Variants in LEKR1 observed in about 807,000 individuals in gnomAD.
The protein encoded by LEKR1 is protein LEKR1.
A neutral mutation model predicts 72.4 loss-of-function variants in LEKR1; 59 were observed. That is an observed-to-expected ratio of 0.82 (90% CI 0.66 to 1.01). The LOEUF is 1.01. LEKR1 is among the 50% of genes least tolerant of loss of function. The pLI, the probability that LEKR1 is intolerant of heterozygous loss-of-function variation, is 0.00. For synonymous variants in LEKR1, 257 were observed against 263.2 expected, an observed-to-expected ratio of 0.98 and a Z score of 0.23; for missense variants, 728 against 759.2, an observed-to-expected ratio of 0.96 and a Z score of 0.48.
intron 9 of LEKR1, among the ~76,000 whole-genome samples, chr3:156,996,328 G>A (rs1731564098): frequency 1.3e-5 from 2 of 152,002 alleles, no homozygotes; most frequent in South Asian, 4.1e-4. Flanking sequence ...AAGTTACCAG[G>A]CCAAGAGCCA....
At chr3:156,987,006 G>A (rs1031543379) in intron 7 of LEKR1, among the ~76,000 whole-genome samples, 2 of 150,866 alleles carry the variant, frequency 1.3e-5, no homozygotes, top group East Asian at 3.9e-4. Flanking sequence ...CTTTCAAAGT[G>A]GGGGGAAATA....
At chr3:157,001,814 G>A (rs1015664756) in intron 9 of LEKR1, among the ~76,000 whole-genome samples, 1 of 152,250 alleles carries the variant, frequency 6.6e-6, no homozygotes, top group Non-Finnish European at 1.5e-5. Flanking sequence ...CTTCTAAAAC[G>A]GAGGGAGTTG....
chr3:156,953,642 G>A (rs1479958278), intron 6 of LEKR1, among the ~76,000 whole-genome samples: 1 of 151,882 alleles, frequency 6.6e-6, no homozygotes, highest in Non-Finnish European at 1.5e-5. Context: ...TCCTGTGTTA[G>A]TTTGCTAAGG....
chr3:156,998,593 G>A (rs989311405), intron 9 of LEKR1, among the ~76,000 whole-genome samples: 8 of 152,130 alleles, frequency 5.3e-5, no homozygotes, highest in South Asian at 2.1e-4. Flanking sequence ...AAGCTTAATC[G>A]TAATTAAAGT....
chr3:156,914,274 AT>A lies in LEKR1; in HGVS notation c.264-6300del, dbSNP rs1455080436. Among the ~76,000 whole-genome samples the A allele has an allele frequency of 3.1e-3, 467 of 152,254 alleles. 1 individual carries two copies. The highest frequency in any genetic ancestry group is 0.011 in the African/African-American group (442 of 41,540). On this transcript the variant is annotated intron_variant, in intron 3 of 12. Coordinates refer to ENST00000356539, the MANE Select transcript of LEKR1 (RefSeq NM_001004316.3). ...GGTTTGCTGCACCCATCAACCCATT[AT>A]CTACGTTAGGTATTTCTCCTAATGC...
chr3:156,873,177 T>A (rs74482393), intron 3 of LEKR1, among the ~76,000 whole-genome samples: 1,767 of 152,170 alleles, frequency 0.012, 16 homozygotes, highest in Middle Eastern at 0.041. Flanking sequence ...ATGACCTTTT[T>A]TGTGTCTTTT....
At chr3:156,898,986 C>G (rs1721493389) in intron 3 of LEKR1, among the ~76,000 whole-genome samples, 1 of 152,022 alleles carries the variant, frequency 6.6e-6, no homozygotes, top group Non-Finnish European at 1.5e-5. Flanking sequence ...TCTCTTGTTG[C>G]TCCTGTTGCT....
chr3:156,973,394 C>T (rs1262283897), intron 6 of LEKR1, among the ~76,000 whole-genome samples: 1 of 151,902 alleles, frequency 6.6e-6, no homozygotes, highest in African/African-American at 2.4e-5. Flanking sequence ...AGATGCTATT[C>T]GAAGCCATGA....
intron 7 of LEKR1, among the ~76,000 whole-genome samples, chr3:156,986,824 A>C (rs1364961336): frequency 6.6e-6 from 1 of 152,212 alleles, no homozygotes; most frequent in African/African-American, 2.4e-5. Context: ...TGTTTCATTT[A>C]CTGAAGTGGG....
intron 3 of LEKR1, among the ~76,000 whole-genome samples, chr3:156,908,361 A>G (rs534690301): frequency 2.6e-5 from 4 of 152,146 alleles, no homozygotes; most frequent in African/African-American, 9.6e-5. Flanking sequence ...TGATTTTCTC[A>G]TTCACTCGTT....
intron 3 of LEKR1, among the ~76,000 whole-genome samples, chr3:156,873,167 A>G (rs1718157397): frequency 6.6e-6 from 1 of 152,020 alleles, no homozygotes; most frequent in Non-Finnish European, 1.5e-5. Context: ...TCATTATATA[A>G]TGACCTTTTT....
chr3:156,834,607 A>T (rs1269463367), intron 2 of LEKR1, among the ~76,000 whole-genome samples: 1 of 152,200 alleles, frequency 6.6e-6, no homozygotes, highest in Non-Finnish European at 1.5e-5. Flanking sequence ...TTAACCATGT[A>T]TCAGATTGCA....
At chr3:157,043,168 C>T (rs192026652) in intron 12 of LEKR1, among the ~76,000 whole-genome samples, 1 of 152,300 alleles carries the variant, frequency 6.6e-6, no homozygotes, top group Non-Finnish European at 1.5e-5. Flanking sequence ...TAAAAGCTTC[C>T]TGAGGCCTCC....
At chr3:157,035,929 G>T (rs1734938252) in intron 12 of LEKR1, among the ~76,000 whole-genome samples, 1 of 152,078 alleles carries the variant, frequency 6.6e-6, no homozygotes, top group Admixed American at 6.6e-5. Context: ...AAGACCCATT[G>T]ATACTGACAG....
intron 5 of LEKR1, among the ~76,000 whole-genome samples, chr3:156,929,994 T>A (rs892123415): frequency 1.3e-5 from 2 of 152,100 alleles, no homozygotes; most frequent in African/African-American, 4.8e-5. Context: ...ACTGACAAAC[T>A]AAAATATTTC....
At chr3:156,959,735 C>T in intron 6 of LEKR1, among the ~76,000 whole-genome samples, 2 of 152,120 alleles carry the variant, frequency 1.3e-5, no homozygotes, top group Non-Finnish European at 2.9e-5. Flanking sequence ...ACATTTTATC[C>T]TTTTTTTAAC....
At chr3:156,968,827 C>A (rs1728875882) in intron 6 of LEKR1, among the ~76,000 whole-genome samples, 1 of 152,100 alleles carries the variant, frequency 6.6e-6, no homozygotes, top group Non-Finnish European at 1.5e-5. Context: ...ACATTCTTCT[C>A]AGTCAGCACC....
At chr3:156,867,749 A>G (rs886162169) in intron 3 of LEKR1, among the ~76,000 whole-genome samples, 2 of 152,012 alleles carry the variant, frequency 1.3e-5, no homozygotes, top group South Asian at 2.1e-4. Flanking sequence ...ATATGTCACT[A>G]TCTTTCAGAA....
At chr3:156,865,980 C>A (rs1032336117) in intron 3 of LEKR1, among the ~76,000 whole-genome samples, 2 of 151,966 alleles carry the variant, frequency 1.3e-5, no homozygotes, top group Non-Finnish European at 2.9e-5. Flanking sequence ...TTATAATGCT[C>A]CTTAAATACA....
Sources: allele counts gnomAD v4.1 joint callset (sites outside exome capture counted in the v4.1 genomes callset), GRCh38; gene constraint gnomAD v4.1.1; transcripts MANE v1.5; gene names NCBI Gene and HGNC (gene_info 2026-07-23, HGNC 2026-07-21).